MECOM: variants seen among roughly 807,000 people sequenced by gnomAD.
MECOM encodes the protein MDS1 and EVI1 complex locus.
In MECOM, 13 loss-of-function variants were observed where a neutral mutation model predicts 116.3. That is an observed-to-expected ratio of 0.11 (90% CI 0.07 to 0.18). The LOEUF is 0.18. Among genes scored for constraint, MECOM ranks in the 10% least tolerant of loss-of-function variants. MECOM has a pLI of 1.00. For synonymous variants in MECOM, 528 were observed against 535.2 expected (o/e 0.99, Z 0.19); for missense variants, 1,299 against 1,509.0 (o/e 0.86, Z 2.31).
chr3:169,662,654 G>T (rs1407494419), intron 1 of MECOM, among the ~76,000 whole-genome samples: 1 of 143,096 alleles, frequency 7.0e-6, no homozygotes, highest in Non-Finnish European at 1.5e-5. Flanking sequence ...GCAGCGCCGC[G>T]CCGGAGAGCA....
intron 2 of MECOM, among the ~76,000 whole-genome samples, chr3:169,354,698 C>T (rs1427575907): frequency 6.6e-6 from 1 of 151,866 alleles, no homozygotes; most frequent in African/African-American, 2.4e-5. Context: ...AGGAATGTTG[C>T]TAGAACCTCA....
At chr3:169,290,249 A>G (rs1339955558) in intron 2 of MECOM, among the ~76,000 whole-genome samples, 1 of 152,182 alleles carries the variant, frequency 6.6e-6, no homozygotes, top group Non-Finnish European at 1.5e-5. Flanking sequence ...TATTTTTGGG[A>G]AAAACACAGT....
At chr3:169,244,914 T>C (rs944396716) in intron 2 of MECOM, among the ~76,000 whole-genome samples, 1 of 152,144 alleles carries the variant, frequency 6.6e-6, no homozygotes, top group Admixed American at 6.6e-5. Flanking sequence ...TCAAAGCTTA[T>C]TGACACAAAC....
At position 169,351,182 on chromosome 3, in the gene MECOM, T is replaced by C. The variant is rs1292336480; in HGVS notation, c.375+30005A>G. Among the ~76,000 whole-genome samples, 4 of 151,972 alleles carry C rather than the reference T, an allele frequency of 2.6e-5. No individual in the cohort carries two copies. In the East Asian group the frequency reaches 5.8e-4, roughly 22 times the overall value. On this transcript the variant is annotated intron_variant, in intron 2 of 16. Coordinates refer to ENST00000651503, the MANE Select transcript of MECOM (RefSeq NM_004991.4). ...ATATAAATTATCTTTTGTTTCTTAA[T>C]ATAGATGTACCCACTTTATTCTGAC...
intron 1 of MECOM, among the ~76,000 whole-genome samples, chr3:169,440,557 G>C (rs1297198803): frequency 6.9e-6 from 1 of 145,922 alleles, no homozygotes; most frequent in African/African-American, 2.5e-5. Context: ...GGGGTGGGAG[G>C]AGGGAGTGGG....
chr3:169,648,319 T>C (rs1774434394), intron 1 of MECOM, among the ~76,000 whole-genome samples: 1 of 152,210 alleles, frequency 6.6e-6, no homozygotes, highest in Admixed American at 6.5e-5. Flanking sequence ...AGATCTGATA[T>C]ACAGACCATG....
intron 1 of MECOM, among the ~76,000 whole-genome samples, chr3:169,550,877 G>A (rs1369445847): frequency 8.0e-6 from 1 of 124,908 alleles, no homozygotes; most frequent in Non-Finnish European, 1.6e-5. Flanking sequence ...AGGCTGGAGT[G>A]CAGTGGCGGG....
intron 2 of MECOM, among the ~76,000 whole-genome samples, chr3:169,359,224 T>C (rs1395955724): frequency 6.6e-6 from 1 of 151,786 alleles, no homozygotes; most frequent in Non-Finnish European, 1.5e-5. Context: ...ACTTAGAGGA[T>C]TGCAATTGGC....
At chr3:169,232,349 T>C (rs574196818) in intron 2 of MECOM, among the ~76,000 whole-genome samples, 26 of 152,214 alleles carry the variant, frequency 1.7e-4, no homozygotes, top group Admixed American at 7.9e-4. Context: ...TACCTATTAT[T>C]TGCTGTTCTT....
At chr3:169,427,122 G>A (rs913581239) in intron 1 of MECOM, among the ~76,000 whole-genome samples, 1 of 151,558 alleles carries the variant, frequency 6.6e-6, no homozygotes, top group Non-Finnish European at 1.5e-5. Flanking sequence ...TATAATTATT[G>A]GTATTCCCTT....
chr3:169,147,420 G>A, intron 2 of MECOM: 2 of 985,456 alleles, frequency 2.0e-6, no homozygotes, highest in Non-Finnish European at 2.4e-6. Context: ...CATCCAGAAA[G>A]AACCCGGGGC....
At chr3:169,659,741 C>T (rs776563046) in intron 1 of MECOM, among the ~76,000 whole-genome samples, 23 of 152,032 alleles carry the variant, frequency 1.5e-4, no homozygotes, top group Non-Finnish European at 2.9e-4. Context: ...AGAGTAAATG[C>T]CTGAATCTGG....
At chr3:169,319,544 G>C (rs1049338173) in intron 2 of MECOM, among the ~76,000 whole-genome samples, 1 of 126,342 alleles carries the variant, frequency 7.9e-6, no homozygotes, top group African/African-American at 3.4e-5. Context: ...ATGTATCCTA[G>C]AACTTAAAGT....
chr3:169,304,286 T>A (rs149848375), intron 2 of MECOM, among the ~76,000 whole-genome samples: 4 of 152,324 alleles, frequency 2.6e-5, no homozygotes, highest in African/African-American at 9.6e-5. Context: ...TGAATTAATA[T>A]AAAAAATTAA....
At chr3:169,591,468 G>C (rs1766402619) in intron 1 of MECOM, among the ~76,000 whole-genome samples, 1 of 152,136 alleles carries the variant, frequency 6.6e-6, no homozygotes, top group African/African-American at 2.4e-5. Context: ...AGAAAGCCAA[G>C]TGCACCGTTT....
At chr3:169,509,735 C>A (rs1480373232) in intron 1 of MECOM, among the ~76,000 whole-genome samples, 1 of 152,182 alleles carries the variant, frequency 6.6e-6, no homozygotes, top group Non-Finnish European at 1.5e-5. Context: ...ATGTTTACAC[C>A]ACACTTTGTT....
chr3:169,283,096 A>G (rs1577579766), intron 2 of MECOM, among the ~76,000 whole-genome samples: 1 of 152,188 alleles, frequency 6.6e-6, no homozygotes, highest in Non-Finnish European at 1.5e-5. Flanking sequence ...TATTTTCTCT[A>G]TCTCTCTCTA....
At chr3:169,483,824 G>A (rs1751737279) in intron 1 of MECOM, 1 of 1,611,850 alleles carries the variant, frequency 6.2e-7, no homozygotes, top group Non-Finnish European at 8.5e-7. Context: ...ACCTTTTGGA[G>A]AAAGGCACCT....
chr3:169,368,346 A>G (rs1729525378), intron 2 of MECOM, among the ~76,000 whole-genome samples: 2 of 152,098 alleles, frequency 1.3e-5, no homozygotes, highest in African/African-American at 4.8e-5. Flanking sequence ...AGAATTATGT[A>G]TAAAGAGAAG....
Sources: allele counts gnomAD v4.1 joint callset (sites outside exome capture counted in the v4.1 genomes callset), GRCh38; gene constraint gnomAD v4.1.1; transcripts MANE v1.5; gene names NCBI Gene and HGNC (gene_info 2026-07-23, HGNC 2026-07-21).